Variants in SUPT16H observed in about 807,000 individuals in gnomAD.
SUPT16H encodes the protein SPT16 homolog, facilitates chromatin remodeling subunit.
In SUPT16H, 24 loss-of-function variants were observed where a neutral mutation model predicts 136.2. The ratio of observed to expected loss-of-function variants is 0.18; its 90% CI spans 0.13 to 0.25. SUPT16H has a LOEUF of 0.25. Ranked by LOEUF, SUPT16H falls within the 10% of genes least tolerant of loss-of-function variation. The pLI is 1.00. For synonymous variants in SUPT16H, 415 were observed against 428.2 expected, an observed-to-expected ratio of 0.97 and a Z score of 0.38; for missense variants, 623 against 1,270.2, an observed-to-expected ratio of 0.49 and a Z score of 7.74.
intron 1 of SUPT16H, among the ~76,000 whole-genome samples, chr14:21,375,258 C>G (rs1460298663): frequency 1.1e-4 from 1 of 8,736 alleles, no homozygotes; most frequent in Non-Finnish European, 1.6e-3. Flanking sequence ...AAGTGATCCG[C>G]CCCCACTTGG....
chr14:21,360,370 G>A, intron 18 of SUPT16H, 45 bp downstream of exon 18: 1 of 1,380,992 alleles, frequency 7.2e-7, no homozygotes, highest in Middle Eastern at 1.8e-4. Flanking sequence ...GTGAAATGAA[G>A]TGTCTTGCCC....
chr14:21,368,220 G>A lies in SUPT16H; in HGVS notation c.955+49C>T, dbSNP rs779540653. The A allele has an allele frequency of 3.2e-6, 5 of 1,565,810 alleles. No homozygotes were observed. The Admixed American group carries it at 8.9e-5, about 28-fold the overall frequency. On this transcript the variant is annotated intron_variant, in intron 7 of 25. Transcript: ENST00000216297. The stretch of plus-strand genomic sequence containing the variant: ...GTGTGACCCACAGCTCCCGGCCAAT[G>A]ACATTTTTGTTACACAACTTTCAAA...
At chr14:21,353,456 A>C (rs1686421227) in intron 25 of SUPT16H, 32 bp downstream of exon 25, 1 of 1,599,842 alleles carries the variant, frequency 6.3e-7, no homozygotes, top group South Asian at 1.1e-5. Flanking sequence ...GTGCGTAGAC[A>C]AATGAATAAA....
At chr14:21,360,720 G>T in intron 17 of SUPT16H, 126 bp downstream of exon 17, 1 of 1,388,492 alleles carries the variant, frequency 7.2e-7, no homozygotes, top group Non-Finnish European at 9.9e-7. Context: ...TACTTTATTA[G>T]CACCATGCTT....
In SUPT16H at chr14:21,360,880, CTTTTGGGCAAT is replaced by C; in HGVS notation, c.2011_2021del (p.Ile671GlufsTer29). The stretch of plus-strand genomic sequence containing the variant: ...GGGCCTCCAGTGAGCCTTGCATCCT[CTTTTGGGCAAT>C]ATTTGGGCGAATGTATAGATCTTTC... On this transcript the variant is annotated frameshift_variant, in exon 17 of 26. Transcript: ENST00000216297. LOFTEE classifies it high-confidence loss of function. 1 of 1,614,200 alleles carries C rather than the reference CTTTTGGGCAAT, an allele frequency of 6.2e-7. No homozygotes were observed. Among genetic ancestry groups the C allele is most frequent in the Non-Finnish European group, 8.5e-7 (1 of 1,180,030 alleles).
At chr14:21,376,459 G>T (rs1886903793) in intron 1 of SUPT16H, among the ~76,000 whole-genome samples, 1 of 152,040 alleles carries the variant, frequency 6.6e-6, no homozygotes, top group Non-Finnish European at 1.5e-5. Flanking sequence ...ATATATGATA[G>T]CAACTGAGTG....
At chr14:21,375,202 C>T (rs533505294) in intron 1 of SUPT16H, among the ~76,000 whole-genome samples, 3 of 152,046 alleles carry the variant, frequency 2.0e-5, no homozygotes, top group East Asian at 3.9e-4. Flanking sequence ...TTAGTAGAGA[C>T]GAGGTTTCAC....
chr14:21,360,734 C>A, intron 17 of SUPT16H, 112 bp downstream of exon 17: 5 of 1,468,746 alleles, frequency 3.4e-6, no homozygotes, highest in Non-Finnish European at 4.6e-6. Flanking sequence ...CATGCTTTAA[C>A]CAACTGAGCT....
intron 10 of SUPT16H, among the ~76,000 whole-genome samples, chr14:21,364,488 A>C (rs1886623190): frequency 2.0e-5 from 3 of 152,210 alleles, no homozygotes; most frequent in African/African-American, 4.8e-5. Context: ...AAATCACTAA[A>C]TTGTACATAT....
At chr14:21,365,915 C>G (rs966721550) in intron 8 of SUPT16H, among the ~76,000 whole-genome samples, 22 of 152,074 alleles carry the variant, frequency 1.4e-4, no homozygotes, top group African/African-American at 5.3e-4. Flanking sequence ...CCAGCCTGGG[C>G]AACATAGCGA....
chr14:21,354,419 C>G lies in SUPT16H; in HGVS notation c.2782G>C (p.Glu928Gln). 6.2e-7 allele frequency: 1 copy of G among 1,614,034 alleles called. No individual in the cohort carries two copies. Among genetic ancestry groups the G allele is most frequent in the East Asian group, 2.2e-5 (1 of 44,874 alleles). The change falls in exon 23 of 26, where the codon GAG (glutamate) becomes CAG (glutamine). Residue 928 changes from glutamate (E) to glutamine (Q), a missense_variant. Around this residue, in one of 7 missense-constraint regions of SUPT16H, gnomAD observed 74 missense variants for 193.8 expected, o/e 0.38. Transcript: ENST00000216297. The stretch of plus-strand genomic sequence containing the variant: ...ACCCCACACTCACGCACCTCACCCT[C>G]AGGCTCCAGGAAAGACCAGCCACCT... ...EQGGWSFLEP[E>Q]GEGSDAEEGD...
intron 3 of SUPT16H, among the ~76,000 whole-genome samples, chr14:21,371,274 C>T (rs754097768): frequency 1.2e-4 from 18 of 151,972 alleles, no homozygotes; most frequent in Non-Finnish European, 2.1e-4. Context: ...AAAGTGCTGC[C>T]GTAAGTTGAC....
At position 21,352,592 on chromosome 14, in the gene SUPT16H, G is replaced by A; in HGVS notation, c.*81C>T. 6.3e-7 allele frequency: 1 copy of A among 1,593,826 alleles called. No homozygotes were observed. Among genetic ancestry groups the A allele is most frequent in the South Asian group, 1.1e-5 (1 of 90,162 alleles). ...GCAAAACTTCAAATGAAAACGAAAG[G>A]AAAAATACAGTTTCTATGTCATGTA... On this transcript the variant is annotated 3_prime_UTR_variant, in exon 26 of 26. Coordinates refer to ENST00000216297, the MANE Select transcript of SUPT16H (RefSeq NM_007192.4).
At position 21,369,250 on chromosome 14, in the gene SUPT16H, T is replaced by C; in HGVS notation, c.736A>G (p.Ile246Val). ...PSTVEMCYPPIIQSGGNYNLK... is the reference protein window; with the variant it reads ...PSTVEMCYPPVIQSGGNYNLK... The stretch of plus-strand genomic sequence containing the variant: ...TTATAGTTGCCACCACTCTGAATGA[T>C]AGGAGGGTAACACATTTCCACAGTA... The change falls in exon 6 of 26, where the codon ATC (isoleucine) becomes GTC (valine). Residue 246 changes from isoleucine to valine, a missense_variant. Physicochemically the swap from Ile to Val is conservative, Grantham distance 29 (BLOSUM62 3). Coordinates refer to ENST00000216297, the MANE Select transcript of SUPT16H (RefSeq NM_007192.4). 4 of 1,614,128 alleles carry C rather than the reference T, an allele frequency of 2.5e-6. No homozygotes were observed. The highest frequency in any genetic ancestry group is 2.5e-6 in the Non-Finnish European group (3 of 1,179,996).
intron 22 of SUPT16H, among the ~76,000 whole-genome samples, chr14:21,356,544 C>A (rs1207571337): frequency 6.6e-6 from 1 of 152,152 alleles, no homozygotes; most frequent in Admixed American, 6.5e-5. Flanking sequence ...CAGAATCCAA[C>A]TAACTTGACT....
At chr14:21,369,949 A>T in intron 4 of SUPT16H, 53 bp from the exon 5 acceptor site, 1 of 1,590,014 alleles carries the variant, frequency 6.3e-7, no homozygotes, top group South Asian at 1.1e-5. Context: ...ATTACAAAAT[A>T]AATGCATCTC....
At chr14:21,366,655 A>G (rs1455341747) in intron 7 of SUPT16H, 126 bp from the exon 8 acceptor site, 2 of 359,398 alleles carry the variant, frequency 5.6e-6, no homozygotes, top group South Asian at 3.3e-5. Context: ...CAGTCCACTC[A>G]CTTTTTTTTT....
intron 2 of SUPT16H, among the ~76,000 whole-genome samples, chr14:21,372,995 G>A (rs7350752): frequency 0.075 from 11,464 of 152,202 alleles, 620 homozygotes; most frequent in Non-Finnish European, 0.12. Context: ...CCAGGCTGGA[G>A]TGCAATGGTG....
intron 7 of SUPT16H, among the ~76,000 whole-genome samples, chr14:21,367,063 C>T (rs1566388534): frequency 1.3e-5 from 2 of 152,160 alleles, no homozygotes; most frequent in African/African-American, 2.4e-5. Flanking sequence ...GCGTCAGCTT[C>T]CCGAGTAGCT....
Sources: allele counts gnomAD v4.1 joint callset (sites outside exome capture counted in the v4.1 genomes callset), GRCh38; gene constraint gnomAD v4.1.1; regional missense constraint gnomAD v4.1.1; transcripts MANE v1.5; gene names NCBI Gene and HGNC (gene_info 2026-07-23, HGNC 2026-07-21).